The following FAM133B variants were observed in gnomAD, a reference collection of about 807,000 sequenced individuals.
The protein encoded by FAM133B is family with sequence similarity 133 member B, also known as protein FAM133B.
A neutral mutation model predicts 46.4 loss-of-function variants in FAM133B; 25 were observed. That is an observed-to-expected ratio of 0.54 (90% confidence interval 0.39 to 0.75). The LOEUF (loss-of-function observed/expected upper bound fraction) is 0.75, where lower values mean the gene tolerates loss of function less well. Among genes scored for constraint, FAM133B ranks in the 30% least tolerant of loss-of-function variants. The pLI is 0.00. For synonymous variants in FAM133B, 75 were observed against 86.0 expected, an observed-to-expected ratio of 0.87 and a Z score of 0.71; for missense variants, 205 against 277.6, an observed-to-expected ratio of 0.74 and a Z score of 1.86.
intron 1 of FAM133B, among the ~76,000 whole-genome samples, chr7:92,583,196 T>G (rs1319114176): frequency 6.6e-6 from 1 of 152,170 alleles, no homozygotes; most frequent in Non-Finnish European, 1.5e-5. Context: ...GGATGAGCCT[T>G]GAAAATATGC....
In FAM133B at chr7:92,578,157, G is replaced by A. The variant is rs1348176429; in HGVS notation, c.302C>T (p.Ser101Phe). Residue 101 changes from serine (S) to phenylalanine (F), a missense_variant, in exon 5 of 11, where the codon TCT becomes TTT. Transcript: ENST00000445716. Reference protein sequence around the residue: ...RQRKKKEKKKSGRYSSSSSSS... With the variant: ...RQRKKKEKKKFGRYSSSSSSS... ...TGGAAAATTTTTGCTCACCCTACCA[G>A]ATTTCTTCTTTTCTTTTTTCTTTCT... The A allele has an allele frequency of 6.2e-7, 1 of 1,609,746 alleles. No homozygotes were observed. Among genetic ancestry groups the A allele is most frequent in the East Asian group, 2.2e-5 (1 of 44,778 alleles).
At chr7:92,589,944 G>C (rs559209466) in intron 1 of FAM133B, 25 of 399,838 alleles carry the variant, frequency 6.3e-5, no homozygotes, top group African/African-American at 6.0e-4. Context: ...GGCCAGGTGT[G>C]GGGGGGGTTC....
intron 3 of FAM133B, 192 bp downstream of exon 3, chr7:92,579,125 G>A: frequency 1.8e-6 from 1 of 546,522 alleles, no homozygotes; most frequent in Non-Finnish European, 3.3e-6. Flanking sequence ...AGAGAGCTAT[G>A]CCCAAATACT....
Position 92,580,242 on chromosome 7 carries a change from TAA to T in FAM133B, c.123-849_123-848del, listed in dbSNP as rs61400606. Reference sequence around the variant, plus strand: ...GCATGTACTACCACATCCAGCTAATTAAAAAAAAAAAAAAAAACACATAAATA... The same window carrying T: ...GCATGTACTACCACATCCAGCTAATTAAAAAAAAAAAAAAACACATAAATA... On this transcript the variant is annotated intron_variant, in intron 2 of 10. Transcript: ENST00000445716. Among the ~76,000 whole-genome samples, 1,068 of 126,652 alleles carry T rather than the reference TAA, an allele frequency of 8.4e-3. 13 individuals are homozygous for T. The highest frequency in any genetic ancestry group is 0.028 in the African/African-American group (984 of 34,676). 83.1% of individuals were successfully genotyped at this position (126,652 alleles called of 152,430 possible).
chr7:92,583,533 C>T (rs1279759353), intron 1 of FAM133B, among the ~76,000 whole-genome samples: 1 of 152,078 alleles, frequency 6.6e-6, no homozygotes, highest in Non-Finnish European at 1.5e-5. Flanking sequence ...CTTACTACAG[C>T]AGAAAAATAT....
chr7:92,576,991 C>T, intron 7 of FAM133B, 112 bp downstream of exon 7: 5 of 547,438 alleles, frequency 9.1e-6, no homozygotes, highest in Non-Finnish European at 1.5e-5. Context: ...TGGCATAGAA[C>T]ATCAAAGTAC....
At chr7:92,573,390 A>C (rs1252434921) in intron 8 of FAM133B, among the ~76,000 whole-genome samples, 1 of 151,774 alleles carries the variant, frequency 6.6e-6, no homozygotes, top group African/African-American at 2.4e-5. Context: ...CCTGGCCTTA[A>C]GTGATCCTCC....
intron 9 of FAM133B, among the ~76,000 whole-genome samples, chr7:92,566,568 G>A (rs1267423564): frequency 2.0e-5 from 3 of 152,234 alleles, no homozygotes; most frequent in Non-Finnish European, 4.4e-5. Context: ...CTTGAGCCCA[G>A]GAGGTTGAGG....
chr7:92,585,213 T>G (rs897423476), intron 1 of FAM133B: 5 of 244,802 alleles, frequency 2.0e-5, no homozygotes, highest in African/African-American at 1.2e-4. Flanking sequence ...GTAATCTCTG[T>G]ATGTCATTTC....
chr7:92,575,880 A>C, intron 7 of FAM133B, 59 bp from the exon 8 acceptor site: 1 of 796,942 alleles, frequency 1.3e-6, no homozygotes, highest in Non-Finnish European at 2.0e-6. Context: ...TTACAGAACA[A>C]GGACAAAAAC....
rs1794148306 is a variant in FAM133B, at chr7:92,561,311, A to C, written c.*971T>G. 1 of 141,686 alleles carries C rather than the reference A, an allele frequency of 7.1e-6. No homozygotes were observed. The highest frequency in any genetic ancestry group is 1.5e-5 in the Non-Finnish European group (1 of 65,790). The allele number at this position is 141,686 out of a possible 1,614,324, so 8.8% of individuals were successfully genotyped here. On this transcript the variant is annotated 3_prime_UTR_variant, in exon 11 of 11. Coordinates refer to ENST00000445716, the MANE Select transcript of FAM133B (RefSeq NM_152789.4). ...GACAGCAAGAGTGAGGAGTTAACAA[A>C]AGCTAAACATTGCAGCCTAAACAAA... is the stretch of plus-strand genomic sequence containing the variant.
At chr7:92,582,258 A>AATAACATAAC (rs199980853) in intron 1 of FAM133B, among the ~76,000 whole-genome samples, 5,293 of 147,904 alleles carry the variant, frequency 0.036, 117 homozygotes, top group Middle Eastern at 0.055. Flanking sequence ...AAATAAAATA[A>AATAACATAAC]ATAACATAAC....
At chr7:92,562,499 C>T in intron 10 of FAM133B, 131 bp from the exon 11 acceptor site, 1 of 1,254,624 alleles carries the variant, frequency 8.0e-7, no homozygotes, top group Non-Finnish European at 1.1e-6. Flanking sequence ...CAAAACATTC[C>T]TCAAAAAGTC....
intron 1 of FAM133B, among the ~76,000 whole-genome samples, chr7:92,585,862 A>G (rs969881423): frequency 2.0e-5 from 3 of 152,214 alleles, no homozygotes; most frequent in African/African-American, 7.2e-5. Flanking sequence ...GGTAAAGAAA[A>G]TGACAAAAAT....
At chr7:92,575,678 A>G (rs1794671267) in intron 8 of FAM133B, 93 bp downstream of exon 8, 6 of 564,048 alleles carry the variant, frequency 1.1e-5, no homozygotes, top group Non-Finnish European at 1.5e-5. Flanking sequence ...CAAAATAAAT[A>G]TATCTCTTAA....
intron 5 of FAM133B, 24 bp from the exon 6 acceptor site, chr7:92,577,741 A>G: frequency 6.5e-7 from 1 of 1,546,036 alleles, no homozygotes. Flanking sequence ...AAAACAATTA[A>G]AGCTTGTGAG....
chr7:92,575,866 A>G (rs761666209), intron 7 of FAM133B, 45 bp from the exon 8 acceptor site: 1 of 911,244 alleles, frequency 1.1e-6, no homozygotes, highest in Non-Finnish European at 1.7e-6. Flanking sequence ...CCAAGGACAC[A>G]GCATTACAGA....
At chr7:92,588,713 G>A (rs1795104029) in intron 1 of FAM133B, among the ~76,000 whole-genome samples, 1 of 152,156 alleles carries the variant, frequency 6.6e-6, no homozygotes, top group African/African-American at 2.4e-5. Context: ...GGATCATGGG[G>A]GCGGAGTTCT....
chr7:92,568,455 T>C (rs895446619), intron 9 of FAM133B, among the ~76,000 whole-genome samples: 3 of 152,008 alleles, frequency 2.0e-5, no homozygotes, highest in Non-Finnish European at 2.9e-5. Flanking sequence ...CCTCCCGGGT[T>C]CAAGTGATTC....
Sources: allele counts gnomAD v4.1 joint callset (sites outside exome capture counted in the v4.1 genomes callset), GRCh38; gene constraint gnomAD v4.1.1; transcripts MANE v1.5; gene names NCBI Gene and HGNC (gene_info 2026-07-23, HGNC 2026-07-21).